Variants in NME8 observed in about 807,000 individuals in gnomAD.
The protein encoded by NME8 is NME/NM23 family member 8.
A neutral mutation model predicts 82.3 loss-of-function variants in NME8; 72 were observed. That is an observed-to-expected ratio of 0.87 (90% CI 0.72 to 1.06). NME8 has a LOEUF of 1.06. Ranked by LOEUF, NME8 falls within the 50% of genes least tolerant of loss-of-function variation. The probability of loss-of-function intolerance (pLI) is 0.00; values close to 1 mark genes in which losing one functional copy is unlikely to be tolerated. For missense variants in NME8, 712 were observed against 685.4 expected, an observed-to-expected ratio of 1.04 and a Z score of -0.43; for synonymous variants, 267 against 228.5, an observed-to-expected ratio of 1.17 and a Z score of -1.52.
At chr7:37,882,597 A>AG (rs1784971502) in intron 12 of NME8, among the ~76,000 whole-genome samples, 23 of 83,036 alleles carry the variant, frequency 2.8e-4, no homozygotes, top group African/African-American at 4.2e-4. Context: ...GAAAGAAAGA[A>AG]AGAGAGAGAG....
intron 11 of NME8, 142 bp downstream of exon 11, chr7:37,868,040 T>C (rs1784715394): frequency 4.1e-6 from 3 of 739,142 alleles, no homozygotes; most frequent in African/African-American, 1.7e-5. Context: ...ACATACTGTA[T>C]ATTCAGAAGA....
At position 37,850,751 on chromosome 7, in the gene NME8, T is replaced by TCATTAAAC. The variant is rs1431307499; in HGVS notation, c.198+19_198+26dup. 1 of 1,496,174 alleles carries TCATTAAAC rather than the reference T, an allele frequency of 6.7e-7. No homozygotes were observed. The highest frequency in any genetic ancestry group is 9.3e-7 in the Non-Finnish European group (1 of 1,073,382). 92.7% of individuals were successfully genotyped at this position (1,496,174 alleles called of 1,614,324 possible). Reference sequence around the variant, plus strand: ...TTTTGCTGTCGTAAGAATTTTGTTTTCATTAAACCACTGTTTTCACATTAT... The same window carrying TCATTAAAC: ...TTTTGCTGTCGTAAGAATTTTGTTTTCATTAAACCATTAAACCACTGTTTTCACATTAT... On this transcript the variant is annotated intron_variant, in intron 5 of 17. Transcript: ENST00000199447.
intron 12 of NME8, among the ~76,000 whole-genome samples, chr7:37,883,434 A>G (rs1279410855): frequency 1.3e-5 from 2 of 152,204 alleles, no homozygotes; most frequent in East Asian, 3.8e-4. Flanking sequence ...CTGTATTAAC[A>G]TGCATGATAC....
intron 8 of NME8, among the ~76,000 whole-genome samples, chr7:37,863,834 CT>C (rs1409219689): frequency 2.0e-5 from 3 of 152,164 alleles, no homozygotes; most frequent in African/African-American, 2.4e-5. Flanking sequence ...AATTTCACGC[CT>C]TCACTAGATT....
chr7:37,878,943 G>A (rs2131961935), intron 12 of NME8, among the ~76,000 whole-genome samples: 1 of 152,104 alleles, frequency 6.6e-6, no homozygotes, highest in Admixed American at 6.5e-5. Flanking sequence ...TGTGACAAAT[G>A]CATAATGTCA....
At chr7:37,867,959 T>C (rs572433461) in intron 11 of NME8, 61 bp downstream of exon 11, 84 of 1,426,784 alleles carry the variant, frequency 5.9e-5, no homozygotes, top group Non-Finnish European at 7.5e-5. Flanking sequence ...TGAAGCGTAG[T>C]GTAGGCACCT....
chr7:37,877,605 C>A (rs531778492), intron 12 of NME8, among the ~76,000 whole-genome samples: 1 of 152,260 alleles, frequency 6.6e-6, no homozygotes, highest in Admixed American at 6.5e-5. Flanking sequence ...TACCTAGGAG[C>A]TTTCTAGGAG....
intron 6 of NME8, among the ~76,000 whole-genome samples, chr7:37,860,149 C>T (rs1428652087): frequency 6.6e-6 from 1 of 152,178 alleles, no homozygotes; most frequent in Non-Finnish European, 1.5e-5. Context: ...CTGTATCTTT[C>T]TCATTGGCTT....
intron 17 of NME8, among the ~76,000 whole-genome samples, chr7:37,897,697 G>A (rs549682544): frequency 3.5e-5 from 5 of 144,130 alleles, no homozygotes; most frequent in South Asian, 4.4e-4. Context: ...CCTGATGTAT[G>A]TTGTTCCCTT....
intron 6 of NME8, among the ~76,000 whole-genome samples, chr7:37,859,654 G>A (rs1371485003): frequency 1.3e-5 from 2 of 152,040 alleles, no homozygotes; most frequent in East Asian, 1.9e-4. Flanking sequence ...GTCATTTACC[G>A]ACCTTCAGAT....
Position 37,862,073 on chromosome 7 carries a change from G to A in NME8, c.316G>A (p.Val106Ile). 1.9e-6 allele frequency: 3 copies of A among 1,613,736 alleles called. No homozygotes were observed. Among genetic ancestry groups the A allele is most frequent in the South Asian group, 2.2e-5 (2 of 91,072 alleles). ...GATTCAGGGTGCAAATGCACCGCTT[G>A]TTAATAAAAAAGTTATTAATTTGAT... ...EKIQGANAPLVNKKVINLIDE... is the reference protein window; with the variant it reads ...EKIQGANAPLINKKVINLIDE... Residue 106 changes from valine to isoleucine, a missense_variant, in exon 7 of 18, where the codon GTT (valine) becomes ATT (isoleucine). Transcript: ENST00000199447.
intron 11 of NME8, among the ~76,000 whole-genome samples, chr7:37,870,568 G>A (rs1481813106): frequency 1.4e-5 from 2 of 138,818 alleles, no homozygotes; most frequent in African/African-American, 5.5e-5. Flanking sequence ...CAGCCTGGGT[G>A]ACAGAGTGAG....
At chr7:37,894,738 C>T in intron 16 of NME8, 128 bp downstream of exon 16, 1 of 957,370 alleles carries the variant, frequency 1.0e-6, no homozygotes, top group Middle Eastern at 3.4e-4. Context: ...ATTCTGCTAA[C>T]ATTCATGGTT....
At chr7:37,853,582 A>G (rs566025131) in intron 5 of NME8, among the ~76,000 whole-genome samples, 27 of 152,302 alleles carry the variant, frequency 1.8e-4, no homozygotes, top group African/African-American at 6.5e-4. Flanking sequence ...GCATTAGGAA[A>G]GTGGCAGTAG....
intron 11 of NME8, among the ~76,000 whole-genome samples, chr7:37,874,053 GGTAGAGCAAATGAA>G: frequency 6.6e-6 from 1 of 152,204 alleles, no homozygotes; most frequent in East Asian, 1.9e-4. Flanking sequence ...ATATTTACCT[GGTAGAGCAAATGAA>G]GATCTTCAAG....
At chr7:37,870,422 C>T (rs767263924) in intron 11 of NME8, among the ~76,000 whole-genome samples, 5 of 151,608 alleles carry the variant, frequency 3.3e-5, no homozygotes, top group African/African-American at 2.4e-5. Context: ...AACCCAGTCT[C>T]GACTAAAAAC....
intron 5 of NME8, among the ~76,000 whole-genome samples, chr7:37,852,065 C>T (rs1358350314): frequency 6.6e-6 from 1 of 151,868 alleles, no homozygotes; most frequent in Non-Finnish European, 1.5e-5. Flanking sequence ...GAGTAAGTGG[C>T]TGTCTACAGT....
rs3837059 is a variant in NME8, at chr7:37,886,862, C to CAA, written c.1248-1406_1248-1405dup. 1.4e-3 allele frequency among the ~76,000 whole-genome samples: 196 copies of CAA among 142,248 alleles called. 1 individual carries two copies. Among genetic ancestry groups the CAA allele is most frequent in the Middle Eastern group, 3.6e-3 (1 of 280 alleles). The allele number at this position is 142,248 out of a possible 152,430, so 93.3% of individuals were successfully genotyped here. A position where few individuals can be genotyped will look rare whatever the true frequency, so the allele number is the denominator to read the frequency against. Reference sequence around the variant, plus strand: ...GAATGGAAAGGTCAAGGTGATAAGGCAAAAAAAAAACAAAAACAAACAAAC... The same window carrying CAA: ...GAATGGAAAGGTCAAGGTGATAAGGCAAAAAAAAAAAACAAAAACAAACAAAC... On this transcript the variant is annotated intron_variant, in intron 14 of 17. Coordinates refer to ENST00000199447, the MANE Select transcript of NME8 (RefSeq NM_016616.5).
chr7:37,875,917 T>A (rs1422097737), intron 11 of NME8, among the ~76,000 whole-genome samples: 1 of 152,022 alleles, frequency 6.6e-6, no homozygotes, highest in African/African-American at 2.4e-5. Context: ...AAATAATATA[T>A]AATAAATTGA....
Sources: gnomAD v4.1 joint callset for allele counts (sites outside exome capture counted in the v4.1 genomes callset) on GRCh38, gnomAD v4.1.1 for gene constraint, MANE v1.5 for transcripts, NCBI Gene and HGNC (gene_info 2026-07-23, HGNC 2026-07-21) for gene names.